ENOPH1: variants seen among roughly 807,000 people sequenced by gnomAD.
The protein encoded by ENOPH1 is enolase-phosphatase E1.
A neutral mutation model predicts 31.1 loss-of-function variants in ENOPH1; 14 were observed. The observed-to-expected ratio is 0.45, with a 90% confidence interval of 0.30 to 0.70. The LOEUF is 0.70. ENOPH1 is among the 30% of genes least tolerant of loss of function. The pLI is 0.09. For synonymous variants in ENOPH1, 127 were observed against 123.2 expected, an observed-to-expected ratio of 1.03 and a Z score of -0.21; for missense variants, 243 against 321.5, an observed-to-expected ratio of 0.76 and a Z score of 1.87.
intron 1 of ENOPH1, among the ~76,000 whole-genome samples, chr4:82,436,270 C>G (rs1054826303): frequency 2.6e-5 from 4 of 152,224 alleles, no homozygotes; most frequent in Non-Finnish European, 5.9e-5. Flanking sequence ...AACTTTTCTA[C>G]TGCTTAGGGC....
At chr4:82,445,426 T>C (rs374214476) in intron 1 of ENOPH1, among the ~76,000 whole-genome samples, 22 of 152,338 alleles carry the variant, frequency 1.4e-4, no homozygotes, top group African/African-American at 5.3e-4. Context: ...AATAGTACCG[T>C]CTGCTAACAT....
Position 82,452,020 on chromosome 4 carries a change from A to AAGTTTGGGCTTGAG in ENOPH1, c.389+775_389+776insAGTTTGGGCTTGAG, listed in dbSNP as rs1578101660. On this transcript the variant is annotated intron_variant, in intron 3 of 5. Transcript: ENST00000273920. ...AGTCTCAAACTTCTGGGCTTGAGCG[A>AAGTTTGGGCTTGAG]TCTGCCTGCCTTGGACTCCCAAAAT... 4.6e-5 allele frequency among the ~76,000 whole-genome samples: 7 copies of AAGTTTGGGCTTGAG among 151,816 alleles called. 1 individual carries two copies. The highest frequency in any genetic ancestry group is 6.5e-5 in the Admixed American group (1 of 15,274).
At chr4:82,439,415 T>C (rs868330708) in intron 1 of ENOPH1, among the ~76,000 whole-genome samples, 2 of 152,214 alleles carry the variant, frequency 1.3e-5, no homozygotes, top group African/African-American at 2.4e-5. Flanking sequence ...TGTTTGACAG[T>C]TAAGCTTGTG....
At chr4:82,431,293 T>A (rs750000301) in intron 1 of ENOPH1, among the ~76,000 whole-genome samples, 1 of 152,226 alleles carries the variant, frequency 6.6e-6, no homozygotes, top group African/African-American at 2.4e-5. Flanking sequence ...GGGCCTGGTG[T>A]GGCAGCGGCA....
intron 1 of ENOPH1, among the ~76,000 whole-genome samples, chr4:82,432,846 G>A (rs1473582995): frequency 6.6e-6 from 1 of 152,180 alleles, no homozygotes; most frequent in Non-Finnish European, 1.5e-5. Flanking sequence ...CTGACCTCAG[G>A]TAATCCTCCC....
rs1220790845 is a variant in ENOPH1, at chr4:82,460,689, C to G, written c.*569C>G. On this transcript the variant is annotated 3_prime_UTR_variant, in exon 6 of 6. Coordinates refer to ENST00000273920, the MANE Select transcript of ENOPH1 (RefSeq NM_021204.5). ...ACTTGAGTCTTGATCAAACAAGTGT[C>G]TTTTACTTAAGAAGAAACTTGGTAA... 1 of 152,218 alleles carries G rather than the reference C, an allele frequency of 6.6e-6. No individual in the cohort carries two copies. The highest frequency in any genetic ancestry group is 2.4e-5 in the African/African-American group (1 of 41,448). The allele number at this position is 152,218 out of a possible 1,614,324, so 9.4% of individuals were successfully genotyped here. A position where few individuals can be genotyped will look rare whatever the true frequency, so the allele number is the denominator to read the frequency against.
rs544557864 is a variant in ENOPH1, at chr4:82,445,424, C to T, written c.85-2496C>T. On this transcript the variant is annotated intron_variant, in intron 1 of 5. Coordinates refer to ENST00000273920, the MANE Select transcript of ENOPH1 (RefSeq NM_021204.5). ...TAACACTTTTGCACTAAAATAGTAC[C>T]GTCTGCTAACATGTTGACTGTAAAT... Among the ~76,000 whole-genome samples, 193 of 152,076 alleles carry T rather than the reference C, an allele frequency of 1.3e-3. 1 individual carries two copies. Among genetic ancestry groups the T allele is most frequent in the Non-Finnish European group, 2.4e-3 (161 of 67,990 alleles).
chr4:82,443,369 C>T (rs560007214), intron 1 of ENOPH1, among the ~76,000 whole-genome samples: 9 of 149,530 alleles, frequency 6.0e-5, no homozygotes, highest in East Asian at 2.0e-4. Context: ...GCCCAGGAGA[C>T]GAAGTTGCAG....
chr4:82,452,707 C>T (rs2110045838), intron 3 of ENOPH1, among the ~76,000 whole-genome samples: 1 of 152,266 alleles, frequency 6.6e-6, no homozygotes, highest in East Asian at 1.9e-4. Flanking sequence ...GTACCTCAGC[C>T]TCCCAAACAG....
chr4:82,453,566 C>T (rs1050446209), intron 3 of ENOPH1, among the ~76,000 whole-genome samples: 1 of 152,206 alleles, frequency 6.6e-6, no homozygotes, highest in African/African-American at 2.4e-5. Context: ...AACATACTTA[C>T]ATGTGTACTG....
intron 3 of ENOPH1, among the ~76,000 whole-genome samples, chr4:82,451,604 C>T (rs1184260237): frequency 6.6e-6 from 1 of 152,292 alleles, no homozygotes; most frequent in Non-Finnish European, 1.5e-5. Flanking sequence ...TAATTACCTG[C>T]TTTTTGCTCT....
intron 1 of ENOPH1, among the ~76,000 whole-genome samples, chr4:82,432,012 G>A (rs768593320): frequency 5.9e-5 from 9 of 151,552 alleles, no homozygotes; most frequent in Non-Finnish European, 1.3e-4. Flanking sequence ...ACCTCCTTGG[G>A]CTTAAGGCAT....
chr4:82,454,517 A>G (rs1271667700), intron 3 of ENOPH1, among the ~76,000 whole-genome samples: 1 of 152,182 alleles, frequency 6.6e-6, no homozygotes, highest in Non-Finnish European at 1.5e-5. Flanking sequence ...CCTCCTTTCC[A>G]CATAGATTGT....
chr4:82,447,483 T>C (rs1722226771), intron 1 of ENOPH1, among the ~76,000 whole-genome samples: 9 of 152,258 alleles, frequency 5.9e-5, no homozygotes. Context: ...ATTTAATCCA[T>C]ATCCTCAAGG....
Position 82,460,096 on chromosome 4 carries a change from A to C in ENOPH1, c.762A>C (p.Glu254Asp). 6.2e-7 allele frequency: 1 copy of C among 1,614,220 alleles called. No individual in the cohort carries two copies. The highest frequency in any genetic ancestry group is 8.5e-7 in the Non-Finnish European group (1 of 1,180,038). Reference sequence around the variant, plus strand: ...ACAGCCTCATCACATCCTTCAGTGAACTATACCTGCCTTCCTCAACCTAGA... The same window carrying C: ...ACAGCCTCATCACATCCTTCAGTGACCTATACCTGCCTTCCTCAACCTAGA... ...TYYSLITSFSELYLPSST is the reference protein window; with the variant it reads ...TYYSLITSFSDLYLPSST Residue 254 changes from glutamate to aspartate, a missense_variant, in exon 6 of 6, where the codon GAA becomes GAC. Physicochemically the swap from Glu to Asp is conservative, Grantham distance 45 (BLOSUM62 2). Transcript: ENST00000273920.
At chr4:82,433,423 G>A (rs1192162412) in intron 1 of ENOPH1, among the ~76,000 whole-genome samples, 1 of 152,154 alleles carries the variant, frequency 6.6e-6, no homozygotes, top group African/African-American at 2.4e-5. Context: ...AATGCAGGCT[G>A]CAAAAGAATG....
intron 1 of ENOPH1, among the ~76,000 whole-genome samples, chr4:82,439,688 G>A (rs950173862): frequency 1.2e-4 from 19 of 152,186 alleles, no homozygotes; most frequent in African/African-American, 4.1e-4. Flanking sequence ...ATTTCACAGG[G>A]TTATTATGAA....
At chr4:82,452,788 T>C (rs748285366) in intron 3 of ENOPH1, among the ~76,000 whole-genome samples, 3 of 151,934 alleles carry the variant, frequency 2.0e-5, no homozygotes, top group Non-Finnish European at 2.9e-5. Context: ...GGTTTTATCA[T>C]GTTGTCCAGG....
chr4:82,431,525 C>T (rs1044904935), intron 1 of ENOPH1, among the ~76,000 whole-genome samples: 1 of 152,196 alleles, frequency 6.6e-6, no homozygotes, highest in African/African-American at 2.4e-5. Context: ...AGATTCCGTT[C>T]ACTTTCCTCA....
Sources: allele counts gnomAD v4.1 joint callset (sites outside exome capture counted in the v4.1 genomes callset), GRCh38; gene constraint gnomAD v4.1.1; transcripts MANE v1.5; gene names NCBI Gene and HGNC (gene_info 2026-07-23, HGNC 2026-07-21).